NECAB1: variants seen among roughly 807,000 people sequenced by gnomAD.
NECAB1 encodes the protein N-terminal EF-hand calcium-binding protein 1.
NECAB1 carries 29 observed loss-of-function variants against 57.5 expected under a neutral mutation model. That is an observed-to-expected ratio of 0.50 (90% confidence interval 0.38 to 0.69). The LOEUF (loss-of-function observed/expected upper bound fraction) is 0.69, where lower values mean the gene tolerates loss of function less well. Among genes scored for constraint, NECAB1 ranks in the 30% least tolerant of loss-of-function variants. The pLI is 0.00. For missense variants in NECAB1, 372 were observed against 413.8 expected (o/e 0.90, Z 0.88); for synonymous variants, 142 against 147.7 (o/e 0.96, Z 0.28).
At chr8:90,796,012 A>C (rs144229024) in intron 1 of NECAB1, among the ~76,000 whole-genome samples, 1 of 152,372 alleles carries the variant, frequency 6.6e-6, no homozygotes, top group East Asian at 1.9e-4. Flanking sequence ...GTATTTAAAA[A>C]TACACTTAGT....
chr8:90,808,739 G>A (rs775961273), intron 2 of NECAB1, among the ~76,000 whole-genome samples: 10 of 146,092 alleles, frequency 6.8e-5, no homozygotes, highest in South Asian at 4.4e-4. Context: ...TCCACCTGCC[G>A]GGTTCAAGCA....
intron 2 of NECAB1, among the ~76,000 whole-genome samples, chr8:90,817,067 G>A (rs1388023236): frequency 4.0e-5 from 6 of 151,638 alleles, no homozygotes; most frequent in Non-Finnish European, 5.9e-5. Flanking sequence ...TTTCAGCTTC[G>A]ATTATAAATG....
At chr8:90,797,626 A>G (rs369135759) in intron 1 of NECAB1, among the ~76,000 whole-genome samples, 1 of 152,192 alleles carries the variant, frequency 6.6e-6, no homozygotes, top group South Asian at 2.1e-4. Context: ...TGTCTTTGCA[A>G]TGTGCTAGTG....
chr8:90,835,970 T>A (rs1413036736), intron 3 of NECAB1, among the ~76,000 whole-genome samples: 1 of 152,242 alleles, frequency 6.6e-6, no homozygotes, highest in Non-Finnish European at 1.5e-5. Flanking sequence ...GGAGAACTGA[T>A]TCCTTTTGTT....
At chr8:90,821,178 G>A (rs557146857) in intron 2 of NECAB1, among the ~76,000 whole-genome samples, 27 of 151,838 alleles carry the variant, frequency 1.8e-4, no homozygotes, top group Admixed American at 5.9e-4. Flanking sequence ...TGCACTAGAT[G>A]CCTCTACTTA....
chr8:90,857,082 A>G (rs1276022163), intron 3 of NECAB1, among the ~76,000 whole-genome samples: 1 of 152,156 alleles, frequency 6.6e-6, no homozygotes, highest in East Asian at 1.9e-4. Flanking sequence ...TTTTATCAGA[A>G]AATATTTCAT....
chr8:90,919,307 A>G (rs1378989613), intron 6 of NECAB1, among the ~76,000 whole-genome samples: 1 of 152,122 alleles, frequency 6.6e-6, no homozygotes, highest in Non-Finnish European at 1.5e-5. Flanking sequence ...TAACTTTTAC[A>G]TCTTAAATTA....
At chr8:90,897,286 G>A (rs1809379998) in intron 5 of NECAB1, among the ~76,000 whole-genome samples, 1 of 152,126 alleles carries the variant, frequency 6.6e-6, no homozygotes, top group African/African-American at 2.4e-5. Flanking sequence ...TTTTGGTTTT[G>A]TTGTTGTTGT....
Position 90,925,520 on chromosome 8 carries a change from T to C in NECAB1, c.495-15T>C. 2 of 1,610,576 alleles carry C rather than the reference T, an allele frequency of 1.2e-6. No homozygotes were observed. The highest frequency in any genetic ancestry group is 1.7e-6 in the Non-Finnish European group (2 of 1,178,376). ...GCACTAACATTAAGGTTAAATGTTA[T>C]CTCTGTTGATCAAGGCAAGGGCCAG... On this transcript the variant is annotated splice_polypyrimidine_tract_variant and intron_variant, in intron 6 of 12. Coordinates refer to ENST00000417640, the MANE Select transcript of NECAB1 (RefSeq NM_022351.5).
chr8:90,805,865 C>G (rs909867266), intron 2 of NECAB1, among the ~76,000 whole-genome samples: 1 of 152,122 alleles, frequency 6.6e-6, no homozygotes, highest in Non-Finnish European at 1.5e-5. Context: ...CACCACCCAT[C>G]GTGTACATTA....
intron 3 of NECAB1, among the ~76,000 whole-genome samples, chr8:90,832,585 T>C (rs529893135): frequency 2.0e-4 from 31 of 152,274 alleles, no homozygotes; most frequent in South Asian, 1.7e-3. Flanking sequence ...ATTTAATTTC[T>C]AAAGGAAATG....
In NECAB1 at chr8:90,955,640, A is replaced by C. The variant is rs1018118667; in HGVS notation, c.*128A>C. 12 of 579,148 alleles carry C rather than the reference A, an allele frequency of 2.1e-5. No homozygotes were observed. Among genetic ancestry groups the C allele is most frequent in the Admixed American group, 3.8e-5 (1 of 26,590 alleles). 35.9% of individuals were successfully genotyped at this position (579,148 alleles called of 1,614,324 possible). On this transcript the variant is annotated 3_prime_UTR_variant, in exon 13 of 13. Coordinates refer to ENST00000417640, the MANE Select transcript of NECAB1 (RefSeq NM_022351.5). ...TTTGTTTGGTATATTTACTAAGTGC[A>C]CTCTTTCAAAACTTATTCTATAACT...
In NECAB1 at chr8:90,958,296, A is replaced by T. The variant is rs1811068598; in HGVS notation, c.*2784A>T. The stretch of plus-strand genomic sequence containing the variant: ...ATCAGTTTTACTTTGAAATTGCTCA[A>T]CTTCTGCTATTCATATGGTCTGATT... On this transcript the variant is annotated 3_prime_UTR_variant, in exon 13 of 13. Coordinates refer to ENST00000417640, the MANE Select transcript of NECAB1 (RefSeq NM_022351.5). 1.3e-5 allele frequency: 2 copies of T among 151,654 alleles called. No individual in the cohort carries two copies. The highest frequency in any genetic ancestry group is 6.6e-5 in the Admixed American group (1 of 15,150). 9.4% of individuals were successfully genotyped at this position (151,654 alleles called of 1,614,324 possible). A position where few individuals can be genotyped will look rare whatever the true frequency, so the allele number is the denominator to read the frequency against.
intron 3 of NECAB1, among the ~76,000 whole-genome samples, chr8:90,859,822 A>G (rs1338770364): frequency 6.6e-6 from 1 of 152,134 alleles, no homozygotes; most frequent in Non-Finnish European, 1.5e-5. Context: ...TATTTAATAT[A>G]TCTTTTTTTA....
chr8:90,877,731 C>T (rs1467990361), intron 4 of NECAB1, among the ~76,000 whole-genome samples: 2 of 152,182 alleles, frequency 1.3e-5, no homozygotes, highest in Admixed American at 6.5e-5. Context: ...CTTACCTAGA[C>T]TTGAGGATCA....
intron 2 of NECAB1, among the ~76,000 whole-genome samples, chr8:90,810,163 G>C (rs1290118068): frequency 6.6e-6 from 1 of 152,132 alleles, no homozygotes; most frequent in Non-Finnish European, 1.5e-5. Context: ...CTCTGTAGCA[G>C]AATTGTGCTG....
rs1375164028 is a variant in NECAB1 at position 90,874,406 on chromosome 8, G to A, written c.259+2253G>A. The stretch of plus-strand genomic sequence containing the variant: ...AAAATGTGTTTGTAATTTTAATTGT[G>A]AAAGTAATACATAACTACTATTTTT... On this transcript the variant is annotated intron_variant, in intron 4 of 12. Coordinates refer to ENST00000417640, the MANE Select transcript of NECAB1 (RefSeq NM_022351.5). 2.0e-5 allele frequency among the ~76,000 whole-genome samples: 3 copies of A among 152,174 alleles called. No individual in the cohort carries two copies. In the East Asian group the frequency reaches 5.8e-4, roughly 29 times the overall value.
intron 3 of NECAB1, among the ~76,000 whole-genome samples, chr8:90,852,881 C>G (rs1010863286): frequency 6.6e-6 from 1 of 152,226 alleles, no homozygotes; most frequent in Non-Finnish European, 1.5e-5. Flanking sequence ...GAACACTGGA[C>G]AAGAGCTTGA....
intron 11 of NECAB1, among the ~76,000 whole-genome samples, chr8:90,950,761 T>C (rs1305639867): frequency 6.6e-6 from 1 of 152,190 alleles, no homozygotes; most frequent in Non-Finnish European, 1.5e-5. Context: ...CATAGCTTTT[T>C]AGATTTATTT....
Sources: allele counts gnomAD v4.1 joint callset (sites outside exome capture counted in the v4.1 genomes callset), GRCh38; gene constraint gnomAD v4.1.1; transcripts MANE v1.5; gene names NCBI Gene and HGNC (gene_info 2026-07-23, HGNC 2026-07-21).